ZFHX3: variants seen among roughly 807,000 people sequenced by gnomAD.
ZFHX3 encodes the protein zinc finger homeobox protein 3.
In ZFHX3, 42 loss-of-function variants were observed where a neutral mutation model predicts 279.1. That is an observed-to-expected ratio of 0.15 (90% CI 0.12 to 0.19). The LOEUF (loss-of-function observed/expected upper bound fraction) is 0.19. Among genes scored for constraint, ZFHX3 ranks in the 10% least tolerant of loss-of-function variants. The pLI is 1.00. For synonymous variants in ZFHX3, 2,293 were observed against 1,957.8 expected, an observed-to-expected ratio of 1.17 and a Z score of -4.52; for missense variants, 4,981 against 4,754.0, an observed-to-expected ratio of 1.05 and a Z score of -1.40.
rs768768848 is a variant in ZFHX3, at chr16:72,958,165, T to C, written c.1981A>G (p.Met661Val). The change falls in exon 2 of 10, where the codon ATG becomes GTG. Residue 661 changes from methionine to valine, a missense_variant. This residue lies in a region of ZFHX3 where 1,068 missense variants were observed against 935.2 expected (regional missense o/e 1.14). Transcript: ENST00000268489. ...SSRSLGGHMT[M>V]MHSRNSCKTL... ...TTACACGAGTTACGAGAATGCATCA[T>C]GGTCATGTGGCCGCCCAGCGAGCGG... 6 of 1,613,834 alleles carry C rather than the reference T, an allele frequency of 3.7e-6. No individual in the cohort carries two copies. The highest frequency in any genetic ancestry group is 1.1e-5 in the South Asian group (1 of 91,088).
intron 3 of ZFHX3, among the ~76,000 whole-genome samples, chr16:72,904,919 T>A (rs953871064): frequency 6.6e-5 from 10 of 152,124 alleles, no homozygotes; most frequent in Non-Finnish European, 1.3e-4. Context: ...GCAACCTCCA[T>A]CTCCTGGGTT....
intron 1 of ZFHX3, among the ~76,000 whole-genome samples, chr16:73,849,145 C>G (rs752247610): frequency 6.6e-6 from 1 of 152,192 alleles, no homozygotes; most frequent in Non-Finnish European, 1.5e-5. Context: ...TTGCTTTGCA[C>G]AGTATACATC....
chr16:73,725,505 T>C (rs923904775), intron 1 of ZFHX3, among the ~76,000 whole-genome samples: 12 of 151,024 alleles, frequency 7.9e-5, no homozygotes, highest in Non-Finnish European at 1.6e-4. Context: ...AGGGGTCTTA[T>C]TGTCACTACC....
chr16:73,138,068 T>C (rs1472800877), intron 6 of ZFHX3, among the ~76,000 whole-genome samples: 2 of 152,344 alleles, frequency 1.3e-5, no homozygotes, highest in South Asian at 2.1e-4. Context: ...TGTGTTTCAC[T>C]GGATGCCAAA....
At chr16:73,082,051 G>A (rs1288998970) in intron 8 of ZFHX3, among the ~76,000 whole-genome samples, 1 of 151,882 alleles carries the variant, frequency 6.6e-6, no homozygotes, top group Non-Finnish European at 1.5e-5. Flanking sequence ...TGGCCGGGCT[G>A]TTCTTGAATT....
At chr16:73,505,097 G>T (rs973315742) in intron 2 of ZFHX3, 1 of 152,058 alleles carries the variant, frequency 6.6e-6, no homozygotes, top group African/African-American at 2.4e-5. Context: ...GAGGCAGCTG[G>T]AAGATTAAAT....
chr16:73,072,487 A>G (rs1466416539), intron 8 of ZFHX3, among the ~76,000 whole-genome samples: 1 of 150,706 alleles, frequency 6.6e-6, no homozygotes, highest in Non-Finnish European at 1.5e-5. Flanking sequence ...ATAGGATCCT[A>G]TTGGAAGACC....
At chr16:73,860,394 T>G (rs1961850679) in intron 1 of ZFHX3, among the ~76,000 whole-genome samples, 1 of 152,070 alleles carries the variant, frequency 6.6e-6, no homozygotes, top group African/African-American at 2.4e-5. Flanking sequence ...CTTACTTTTT[T>G]TTTTTTTTTG....
intron 2 of ZFHX3, among the ~76,000 whole-genome samples, chr16:73,508,733 T>C (rs1346769225): frequency 6.6e-6 from 1 of 152,200 alleles, no homozygotes; most frequent in African/African-American, 2.4e-5. Flanking sequence ...CAGTGGTATA[T>C]ATTATTGTCC....
At chr16:72,847,181 C>T (rs2037502792) in intron 4 of ZFHX3, among the ~76,000 whole-genome samples, 2 of 152,270 alleles carry the variant, frequency 1.3e-5, no homozygotes, top group South Asian at 2.1e-4. Context: ...TATGTGACCT[C>T]GGCAGGGCTA....
intron 3 of ZFHX3, among the ~76,000 whole-genome samples, chr16:73,324,116 G>A (rs1882324372): frequency 6.6e-6 from 1 of 152,220 alleles, no homozygotes; most frequent in African/African-American, 2.4e-5. Flanking sequence ...GTAGCCAAGT[G>A]TAGCCAGACT....
chr16:73,536,893 G>A (rs1394748238), intron 2 of ZFHX3, among the ~76,000 whole-genome samples: 1 of 152,010 alleles, frequency 6.6e-6, no homozygotes, highest in Admixed American at 6.6e-5. Context: ...TTATTATTTG[G>A]GAAGATGTAT....
At chr16:73,098,595 C>T (rs1377588880) in intron 7 of ZFHX3, 1 of 152,416 alleles carries the variant, frequency 6.6e-6, no homozygotes, top group Non-Finnish European at 1.5e-5. Flanking sequence ...CTCCTGACCT[C>T]AGGCGATCCT....
chr16:72,798,195 T>G lies in ZFHX3; in HGVS notation c.4487A>C (p.Glu1496Ala). ...GCTCTGTTTATCTTCCAAGTCACTC[T>G]CTTCCTCCTTGTCTTCCTCAACAAT... ...TIIVEEDKEEESDLEDKQSPT... is the reference protein window; with the variant it reads ...TIIVEEDKEEASDLEDKQSPT... Residue 1496 changes from glutamate (E) to alanine (A), a missense_variant, in exon 9 of 10, where the codon GAG becomes GCG. Physicochemically the swap from Glu to Ala is moderately radical, Grantham distance 107. This residue lies in a region of ZFHX3 where 1,751 missense variants were observed against 1,770.0 expected (regional missense o/e 0.99). Transcript: ENST00000268489. 1 of 1,614,250 alleles carries G rather than the reference T, an allele frequency of 6.2e-7. No individual in the cohort carries two copies. Among genetic ancestry groups the G allele is most frequent in the Non-Finnish European group, 8.5e-7 (1 of 1,180,046 alleles).
intron 6 of ZFHX3, among the ~76,000 whole-genome samples, chr16:73,131,830 G>A (rs970046484): frequency 6.6e-6 from 1 of 152,118 alleles, no homozygotes; most frequent in Non-Finnish European, 1.5e-5. Context: ...TTCCCAGCAA[G>A]TTGCATTTTC....
At chr16:73,662,930 G>A (rs919974524) in intron 2 of ZFHX3, among the ~76,000 whole-genome samples, 1 of 152,140 alleles carries the variant, frequency 6.6e-6, no homozygotes, top group African/African-American at 2.4e-5. Context: ...AGATATAAAT[G>A]CAGATATTTA....
intron 2 of ZFHX3, among the ~76,000 whole-genome samples, chr16:73,477,254 T>TA (rs2018780762): frequency 6.6e-6 from 1 of 152,250 alleles, no homozygotes; most frequent in Admixed American, 6.5e-5. Context: ...TCTTGTTTTC[T>TA]GTGTGGTCAT....
chr16:72,796,462 G>C lies in ZFHX3; in HGVS notation c.6220C>G (p.Pro2074Ala). Reference sequence around the variant, plus strand: ...GATGGCTGGGCCGGTGCAATTGTAGGTGAGGTGATGGGTGGGGCTGATGCG... The same window carrying C: ...GATGGCTGGGCCGGTGCAATTGTAGCTGAGGTGATGGGTGGGGCTGATGCG... ...IPASAPPITS[P>A]TIAPAQPSVP... The change falls in exon 9 of 10, where the codon CCT becomes GCT. Residue 2074 changes from proline (P) to alanine (A), a missense_variant. Pro to Ala is a conservative substitution (Grantham distance 27). This residue lies in a region of ZFHX3 where 1,751 missense variants were observed against 1,770.0 expected (regional missense o/e 0.99). Transcript: ENST00000268489. 6.2e-7 allele frequency: 1 copy of C among 1,608,548 alleles called. No individual in the cohort carries two copies.
At chr16:73,529,412 A>G (rs1280602407) in intron 2 of ZFHX3, among the ~76,000 whole-genome samples, 2 of 152,222 alleles carry the variant, frequency 1.3e-5, no homozygotes, top group Non-Finnish European at 2.9e-5. Flanking sequence ...GGTTTCACTC[A>G]TGTGATGTGT....
Sources: allele counts gnomAD v4.1 joint callset (sites outside exome capture counted in the v4.1 genomes callset), GRCh38; gene constraint gnomAD v4.1.1; regional missense constraint gnomAD v4.1.1; transcripts MANE v1.5; gene names NCBI Gene and HGNC (gene_info 2026-07-23, HGNC 2026-07-21).